Variants in SLC35F4 observed in about 807,000 individuals in gnomAD.
SLC35F4 encodes chromosome 14 open reading frame 36.
A neutral mutation model predicts 44.2 loss-of-function variants in SLC35F4; 24 were observed. The observed-to-expected ratio is 0.54, with a 90% CI of 0.39 to 0.76. The LOEUF (loss-of-function observed/expected upper bound fraction) is 0.76. SLC35F4 is among the 30% of genes least tolerant of loss of function. The pLI, the probability that SLC35F4 is intolerant of heterozygous loss-of-function variation, is 0.00. For synonymous variants in SLC35F4, 238 were observed against 223.6 expected, an observed-to-expected ratio of 1.06 and a Z score of -0.57; for missense variants, 562 against 586.1, an observed-to-expected ratio of 0.96 and a Z score of 0.42.
intron 3 of SLC35F4, among the ~76,000 whole-genome samples, chr14:57,586,711 C>CT (rs1374517069): frequency 1.8e-4 from 11 of 60,350 alleles, no homozygotes; most frequent in Non-Finnish European, 2.8e-4. Context: ...GAGCGAGACT[C>CT]TGTCTCAAAA....
intron 1 of SLC35F4, among the ~76,000 whole-genome samples, chr14:57,607,983 C>T (rs1242982729): frequency 2.0e-5 from 3 of 152,116 alleles, no homozygotes; most frequent in Non-Finnish European, 4.4e-5. Flanking sequence ...ATTTACAGAG[C>T]TAGAAGGAGG....
chr14:57,684,858 G>A (rs1318597623), intron 1 of SLC35F4, among the ~76,000 whole-genome samples: 1 of 152,086 alleles, frequency 6.6e-6, no homozygotes, highest in African/African-American at 2.4e-5. Flanking sequence ...TCTCTCAGGA[G>A]TTTCCCCAGA....
rs1853551969 is a variant in SLC35F4, at chr14:57,564,166, G to A, written c.1427C>T (p.Ala476Val). 6.2e-7 allele frequency: 1 copy of A among 1,613,516 alleles called. No individual in the cohort carries two copies. The highest frequency in any genetic ancestry group is 8.5e-7 in the Non-Finnish European group (1 of 1,179,826). Residue 476 changes from alanine to valine, a missense_variant, in exon 8 of 8, where the codon GCC (alanine) becomes GTC (valine). Transcript: ENST00000556826. ...PSIHLRGRGR[A>V]NGTVSIPLA ...CAGTGGTATAGACACTGTCCCATTG[G>A]CTCTGCCTCTGCCCCGCAGGTGTAT...
intron 1 of SLC35F4, among the ~76,000 whole-genome samples, chr14:57,935,607 A>G (rs1889781141): frequency 1.3e-5 from 2 of 152,202 alleles, no homozygotes; most frequent in Admixed American, 1.3e-4. Flanking sequence ...GATAACAAAG[A>G]CTGAGAATAG....
At chr14:57,570,764 G>C (rs1358102574) in intron 5 of SLC35F4, among the ~76,000 whole-genome samples, 1 of 152,162 alleles carries the variant, frequency 6.6e-6, no homozygotes, top group Non-Finnish European at 1.5e-5. Flanking sequence ...CTGTAACCTG[G>C]TCAGGGGAAA....
intron 5 of SLC35F4, among the ~76,000 whole-genome samples, 175 bp downstream of exon 5, chr14:57,571,719 A>G (rs562889737): frequency 3.1e-4 from 47 of 152,354 alleles, no homozygotes; most frequent in African/African-American, 1.1e-3. Context: ...TTGTATTAAC[A>G]CAGGCAAAAA....
chr14:57,974,025 A>T (rs1289463247), downstream of SLC35F4, among the ~76,000 whole-genome samples: 2 of 152,106 alleles, frequency 1.3e-5, no homozygotes, highest in Non-Finnish European at 2.9e-5. Flanking sequence ...AACATCAACC[A>T]TTTTATTAAA....
At position 57,600,708 on chromosome 14, in the gene SLC35F4, A is replaced by AC. The variant is rs1452655415; in HGVS notation, c.104-6585_104-6584insG. On this transcript the variant is annotated intron_variant, in intron 1 of 7. Transcript: ENST00000556826. Reference sequence around the variant, plus strand: ...CTCCATCTCAAAAAAAAAAAAAAAAAAAAAAAAAAAACCAAAAAGATAAAA... The same window carrying AC: ...CTCCATCTCAAAAAAAAAAAAAAAAACAAAAAAAAAAACCAAAAAGATAAAA... 1.7e-4 allele frequency among the ~76,000 whole-genome samples: 25 copies of AC among 147,932 alleles called. 2 individuals carry two copies. The highest frequency in any genetic ancestry group is 2.7e-4 in the Admixed American group (4 of 14,818).
At chr14:57,867,602 A>ACCCCC (rs11372858), upstream of SLC35F4, among the ~76,000 whole-genome samples, 6 of 147,996 alleles carry the variant, frequency 4.1e-5, no homozygotes, top group East Asian at 6.4e-4. Context: ...ATGCCTTTAC[A>ACCCCC]CCCCCCCCCA....
In SLC35F4 at chr14:57,569,856, A is replaced by G. The variant is rs1470716326; in HGVS notation, c.1058T>C (p.Val353Ala). Residue 353 changes from valine (V) to alanine (A), a missense_variant, in exon 6 of 8, where the codon GTG becomes GCG. Transcript: ENST00000556826. Reference sequence around the variant, plus strand: ...AGCAGCAAAAGAGGACCAGTGCTCCACCTTGGTGAAATACAAGATGACTGG... The same window carrying G: ...AGCAGCAAAAGAGGACCAGTGCTCCGCCTTGGTGAAATACAAGATGACTGG... ...FTPVILYFTK[V>A]EHWSSFAALP... The G allele has an allele frequency of 6.2e-7, 1 of 1,611,906 alleles. No individual in the cohort carries two copies. Among genetic ancestry groups the G allele is most frequent in the South Asian group, 1.1e-5 (1 of 90,282 alleles).
chr14:57,634,587 C>T (rs971660570), intron 1 of SLC35F4, among the ~76,000 whole-genome samples: 4 of 151,980 alleles, frequency 2.6e-5, no homozygotes, highest in East Asian at 1.9e-4. Context: ...AGTGAGTGAG[C>T]GAGGAATTCA....
intron 1 of SLC35F4, among the ~76,000 whole-genome samples, chr14:57,902,835 C>T (rs1171241197): frequency 6.6e-6 from 1 of 152,164 alleles, no homozygotes; most frequent in Admixed American, 6.5e-5. Flanking sequence ...GCATGGAAAG[C>T]TCTTCCTCCC....
At chr14:57,836,327 G>A (rs553698446) in intron 1 of SLC35F4, among the ~76,000 whole-genome samples, 8 of 151,920 alleles carry the variant, frequency 5.3e-5, no homozygotes, top group African/African-American at 1.7e-4. Context: ...ATGGAGTCTC[G>A]CTGTCACCAG....
At chr14:57,811,504 C>G (rs1291469549) in intron 1 of SLC35F4, among the ~76,000 whole-genome samples, 1 of 152,196 alleles carries the variant, frequency 6.6e-6, no homozygotes, top group Non-Finnish European at 1.5e-5. Context: ...ATGTGGAAGA[C>G]GTGGTATTCT....
intron 1 of SLC35F4, among the ~76,000 whole-genome samples, chr14:57,944,743 GAA>G (rs1889987829): frequency 7.8e-6 from 1 of 128,072 alleles, no homozygotes; most frequent in Non-Finnish European, 1.7e-5. Flanking sequence ...AAGAAAGAAA[GAA>G]AGAAAGAAGA....
chr14:57,725,229 T>G (rs1258765983), intron 1 of SLC35F4, among the ~76,000 whole-genome samples: 1 of 152,186 alleles, frequency 6.6e-6, no homozygotes, highest in African/African-American at 2.4e-5. Context: ...GTGGCAGGGA[T>G]GAAGGTTGCA....
rs182194496 is a variant in SLC35F4, at chr14:57,849,850, C to T, written c.103+15873G>A. On this transcript the variant is annotated intron_variant, in intron 1 of 7. Coordinates refer to ENST00000556826, the MANE Select transcript of SLC35F4 (RefSeq NM_001306087.2). Reference sequence around the variant, plus strand: ...AGAGCTTTCTTTACTTTCTAACTGACTATCACATTCTAACTGACTGTCAAG... The same window carrying T: ...AGAGCTTTCTTTACTTTCTAACTGATTATCACATTCTAACTGACTGTCAAG... Among the ~76,000 whole-genome samples, 183 of 152,248 alleles carry T rather than the reference C, an allele frequency of 1.2e-3. 1 individual carries two copies. Among genetic ancestry groups the T allele is most frequent in the Admixed American group, 0.011 (166 of 15,292 alleles).
chr14:57,635,687 G>A (rs1329752033), intron 1 of SLC35F4, among the ~76,000 whole-genome samples: 1 of 152,062 alleles, frequency 6.6e-6, no homozygotes, highest in African/African-American at 2.4e-5. Flanking sequence ...CTAAAATTCA[G>A]GAAGGCCTCA....
intron 1 of SLC35F4, among the ~76,000 whole-genome samples, chr14:57,624,655 CA>C (rs2072378473): frequency 6.6e-6 from 1 of 152,144 alleles, no homozygotes; most frequent in Admixed American, 6.6e-5. Flanking sequence ...TCAACATATG[CA>C]AATCAATAAA....
Sources: gnomAD v4.1 joint callset for allele counts (sites outside exome capture counted in the v4.1 genomes callset) on GRCh38, gnomAD v4.1.1 for gene constraint, MANE v1.5 for transcripts, NCBI Gene and HGNC (gene_info 2026-07-23, HGNC 2026-07-21) for gene names.